Variants in ZNF420 observed in about 807,000 individuals in gnomAD.
ZNF420 encodes the protein zinc finger protein 420.
A neutral mutation model predicts 44.7 loss-of-function variants in ZNF420; 31 were observed. That is an observed-to-expected ratio of 0.69 (90% CI 0.52 to 0.94). ZNF420 has a LOEUF of 0.94. Among genes scored for constraint, ZNF420 ranks in the 40% least tolerant of loss-of-function variants. ZNF420 has a pLI of 0.00. For missense variants in ZNF420, 681 were observed against 827.9 expected, an observed-to-expected ratio of 0.82 and a Z score of 2.18; for synonymous variants, 245 against 267.4, an observed-to-expected ratio of 0.92 and a Z score of 0.82.
chr19:37,089,096 C>A lies in ZNF420; in HGVS notation c.-23C>A. On this transcript the variant is annotated 5_prime_UTR_variant, in exon 3 of 5. Coordinates refer to ENST00000337995, the MANE Select transcript of ZNF420 (RefSeq NM_144689.5). ...GATAGGAACCCAGAAGAGGACTGAT[C>A]ATTTCTTGCAGCTCTAAAAACCATG... The A allele has an allele frequency of 6.2e-7, 1 of 1,612,070 alleles. No homozygotes were observed. Among genetic ancestry groups the A allele is most frequent in the South Asian group, 1.1e-5 (1 of 91,032 alleles).
chr19:37,008,210 G>A (rs2074542976), intron 1 of ZNF420: 3 of 309,292 alleles, frequency 9.7e-6, no homozygotes, highest in Non-Finnish European at 1.8e-5. Context: ...GGAGTTGCCT[G>A]GGGCGGGCGG....
At chr19:37,008,063 C>T in exon 1 of ZNF420, 1 of 260,838 alleles carries the variant, frequency 3.8e-6, no homozygotes, top group Non-Finnish European at 7.4e-6. Context: ...CTGCCTCAGG[C>T]CTGCCCGGAC....
rs150067131 is a variant in ZNF420, at chr19:37,015,607, A to C, written c.-125+7525A>C. Among the ~76,000 whole-genome samples, 12 of 152,196 alleles carry C rather than the reference A, an allele frequency of 7.9e-5. No individual in the cohort carries two copies. The East Asian group carries it at 2.3e-3, about 29-fold the overall frequency. ...GATGTGTGTAGAAATAAGGTGAGAC[A>C]GGGGTGAGGATACAGTCTGATGAGG... On this transcript the variant is annotated intron_variant, in intron 1 of 4. Coordinates refer to the ZNF420 transcript ENST00000587029.
rs1521099 is a variant in ZNF420, at chr19:37,127,306, A to G, written c.315A>G (p.Glu105=). 6.5e-3 allele frequency: 10,515 copies of G among 1,613,064 alleles called. 330 individuals carry two copies. In the Admixed American group the frequency reaches 0.066, roughly 10 times the overall value. ...KMEKQQENQK[E]YFRQGMIIYD... ...AGAAGCAACAAGAAAATCAGAAGGA[A>G]TATTTCAGGCAAGGGATGATCATAT... The change falls in exon 5 of 5, where the codon GAA becomes GAG. Residue 105 remains glutamate (E), a synonymous_variant. Transcript: ENST00000337995.
Position 37,086,934 on chromosome 19 carries a change from T to C in ZNF420, c.-80-2105T>C, listed in dbSNP as rs138760102. Among the ~76,000 whole-genome samples, 7 of 152,304 alleles carry C rather than the reference T, an allele frequency of 4.6e-5. No individual in the cohort carries two copies. In the East Asian group the frequency reaches 1.4e-3, roughly 29 times the overall value. Reference sequence around the variant, plus strand: ...TTTTATTGGAATGGTTGAACTATTATTAATACAATTTAGTTTAAGCTCTGC... The same window carrying C: ...TTTTATTGGAATGGTTGAACTATTACTAATACAATTTAGTTTAAGCTCTGC... On this transcript the variant is annotated intron_variant, in intron 2 of 4. Transcript: ENST00000337995.
At chr19:37,089,162 C>CT in intron 3 of ZNF420, 35 bp downstream of exon 3, 1 of 1,592,040 alleles carries the variant, frequency 6.3e-7, no homozygotes, top group East Asian at 2.2e-5. Flanking sequence ...TTTTCACTTA[C>CT]TTTTTTACAG....
chr19:37,056,227 C>T (rs1028156531), intron 1 of ZNF420, among the ~76,000 whole-genome samples: 11 of 152,144 alleles, frequency 7.2e-5, no homozygotes, highest in Admixed American at 1.3e-4. Flanking sequence ...GCAGAAACCT[C>T]TTCGCTCCTC....
At chr19:37,016,366 A>T (rs1348032178) in intron 1 of ZNF420, among the ~76,000 whole-genome samples, 1 of 152,212 alleles carries the variant, frequency 6.6e-6, no homozygotes, top group Non-Finnish European at 1.5e-5. Flanking sequence ...CCAGGTGGTG[A>T]GTAGTGATCC....
intron 1 of ZNF420, among the ~76,000 whole-genome samples, chr19:37,027,452 G>T (rs1373532187): frequency 6.6e-6 from 1 of 152,118 alleles, no homozygotes; most frequent in African/African-American, 2.4e-5. Context: ...CTTATATTAA[G>T]ATTCACTCTT....
At position 37,127,292 on chromosome 19, in the gene ZNF420, G is replaced by C; in HGVS notation, c.301G>C (p.Glu101Gln). 1 of 1,613,464 alleles carries C rather than the reference G, an allele frequency of 6.2e-7. No individual in the cohort carries two copies. Among genetic ancestry groups the C allele is most frequent in the African/African-American group, 1.3e-5 (1 of 75,018 alleles). The stretch of plus-strand genomic sequence containing the variant: ...CAAAGGCAAGATGGAGAAGCAACAA[G>C]AAAATCAGAAGGAATATTTCAGGCA... ...EAKGKMEKQQ[E>Q]NQKEYFRQGM... is the part of the protein sequence containing the mutation. The change falls in exon 5 of 5, where the codon GAA (glutamate) becomes CAA (glutamine). Residue 101 changes from glutamate to glutamine, a missense_variant. This residue lies in a region of ZNF420 where 350 missense variants were observed against 382.5 expected (regional missense o/e 0.92). Transcript: ENST00000337995.
intron 1 of ZNF420, among the ~76,000 whole-genome samples, chr19:37,065,497 G>A (rs116508736): frequency 0.024 from 3,688 of 152,336 alleles, 162 homozygotes; most frequent in African/African-American, 0.083. Flanking sequence ...GAAGGGGGCC[G>A]TGAGCCAAGG....
chr19:37,103,282 A>C (rs1439849506), intron 4 of ZNF420, among the ~76,000 whole-genome samples: 1 of 152,008 alleles, frequency 6.6e-6, no homozygotes, highest in Non-Finnish European at 1.5e-5. Context: ...TGTTTTTTCT[A>C]TGTTTTTATA....
chr19:37,065,788 C>T (rs1160932924), intron 1 of ZNF420, among the ~76,000 whole-genome samples: 1 of 152,170 alleles, frequency 6.6e-6, no homozygotes, highest in African/African-American at 2.4e-5. Flanking sequence ...AGAAAATACT[C>T]GTACAGTGGT....
rs768329093 is a variant in ZNF420, at chr19:37,128,085, G to A, written c.1094G>A (p.Cys365Tyr). 6.2e-7 allele frequency: 1 copy of A among 1,614,044 alleles called. No homozygotes were observed. Among genetic ancestry groups the A allele is most frequent in the Non-Finnish European group, 8.5e-7 (1 of 1,179,972 alleles). The change falls in exon 5 of 5, where the codon TGT becomes TAT. Residue 365 changes from cysteine (C) to tyrosine (Y), a missense_variant. By Grantham distance (194) the Cys-to-Tyr change is radical. Transcript: ENST00000337995. ...RIHTGEKPYK[C>Y]EECGKAFIRG... The stretch of plus-strand genomic sequence containing the variant: ...CATACTGGTGAAAAACCCTATAAAT[G>A]TGAAGAATGTGGGAAGGCCTTTATC...
intron 1 of ZNF420, among the ~76,000 whole-genome samples, chr19:37,069,037 TAAAAG>T (rs1326183100): frequency 4.6e-5 from 7 of 152,106 alleles, no homozygotes; most frequent in Non-Finnish European, 1.0e-4. Context: ...AAATGATAGA[TAAAAG>T]AGATACAATC....
upstream of ZNF420, chr19:37,075,094 G>A (rs556298202): frequency 6.6e-6 from 1 of 152,224 alleles, no homozygotes; most frequent in Non-Finnish European, 1.5e-5. Flanking sequence ...TGCCAGGAAA[G>A]AGAACATACT....
intron 4 of ZNF420, among the ~76,000 whole-genome samples, chr19:37,109,022 T>C (rs1306598865): frequency 1.3e-5 from 2 of 152,224 alleles, no homozygotes; most frequent in Non-Finnish European, 2.9e-5. Context: ...AGAAAAGTCC[T>C]GTAAATAATT....
chr19:37,011,314 C>T (rs1267986224), intron 1 of ZNF420, among the ~76,000 whole-genome samples: 1 of 152,194 alleles, frequency 6.6e-6, no homozygotes, highest in East Asian at 1.9e-4. Context: ...GGGAAGCTCC[C>T]TTGGTCTCCA....
intron 1 of ZNF420, among the ~76,000 whole-genome samples, chr19:37,060,702 CAT>C (rs141213733): frequency 0.013 from 1,996 of 152,178 alleles, 48 homozygotes; most frequent in African/African-American, 0.045. Context: ...CGTTTCACCT[CAT>C]GTGTGGGGGG....
Sources: allele counts gnomAD v4.1 joint callset (sites outside exome capture counted in the v4.1 genomes callset), GRCh38; gene constraint gnomAD v4.1.1; regional missense constraint gnomAD v4.1.1; transcripts MANE v1.5; gene names NCBI Gene and HGNC (gene_info 2026-07-23, HGNC 2026-07-21).